ATL2: variants seen among roughly 807,000 people sequenced by gnomAD.
ATL2 encodes the protein atlastin GTPase 2, also known as atlastin-2.
Under a neutral mutation model 73.9 loss-of-function variants are expected in ATL2, and 31 were observed. That is an observed-to-expected ratio of 0.42 (90% CI 0.32 to 0.57). The LOEUF is 0.57. Among genes scored for constraint, ATL2 ranks in the 20% least tolerant of loss-of-function variants. The pLI is 0.14. For missense variants in ATL2, 738 were observed against 702.6 expected (o/e 1.05, Z -0.57); for synonymous variants, 291 against 237.5 (o/e 1.23, Z -2.07).
At chr2:38,356,425 G>A (rs1399038952) in intron 1 of ATL2, among the ~76,000 whole-genome samples, 1 of 151,206 alleles carries the variant, frequency 6.6e-6, no homozygotes, top group Non-Finnish European at 1.5e-5. Flanking sequence ...CTGGGCTCAA[G>A]TGATCCACCC....
intron 1 of ATL2, among the ~76,000 whole-genome samples, chr2:38,373,454 A>G (rs749637404): frequency 2.0e-5 from 3 of 152,232 alleles, no homozygotes; most frequent in Admixed American, 1.3e-4. Context: ...AATCCCCTAC[A>G]TTCTACTTGT....
At chr2:38,299,185 T>G in intron 11 of ATL2, 71 bp downstream of exon 11, 4 of 1,368,794 alleles carry the variant, frequency 2.9e-6, no homozygotes, top group East Asian at 3.0e-5. Context: ...TTAAAAAATT[T>G]TTTTAATTTT....
chr2:38,333,461 A>C (rs1000228296), intron 2 of ATL2, among the ~76,000 whole-genome samples: 1 of 152,340 alleles, frequency 6.6e-6, no homozygotes, highest in East Asian at 1.9e-4. Context: ...TTAACTCCCT[A>C]AATGTTCTAA....
At chr2:38,375,064 T>C (rs1011708967) in intron 1 of ATL2, among the ~76,000 whole-genome samples, 8 of 152,158 alleles carry the variant, frequency 5.3e-5, no homozygotes, top group African/African-American at 1.9e-4. Context: ...AAAAAGCCAA[T>C]AAAATGAGTA....
chr2:38,353,298 T>A (rs567555481), intron 1 of ATL2, among the ~76,000 whole-genome samples: 2 of 152,208 alleles, frequency 1.3e-5, no homozygotes, highest in South Asian at 2.1e-4. Flanking sequence ...AACTGACAAG[T>A]ACAGTAATTA....
chr2:38,348,622 T>C lies in ATL2; in HGVS notation c.119-5110A>G, dbSNP rs185917345. On this transcript the variant is annotated intron_variant, in intron 1 of 12. Coordinates refer to ENST00000378954, the MANE Select transcript of ATL2 (RefSeq NM_001135673.4). ...ATTGTAAAGAAAGCATTAGTTGGTT[T>C]TTTAGAAGTTTAAGAAAAAAAAAAA... 2.0e-5 allele frequency among the ~76,000 whole-genome samples: 3 copies of C among 151,794 alleles called. No individual in the cohort carries two copies. The East Asian group carries it at 5.8e-4, about 29-fold the overall frequency.
chr2:38,351,034 GAAT>G (rs1172013280), intron 1 of ATL2, among the ~76,000 whole-genome samples: 2 of 152,172 alleles, frequency 1.3e-5, no homozygotes, highest in Admixed American at 6.5e-5. Flanking sequence ...AGAGAACAAA[GAAT>G]AATTCACCTT....
chr2:38,310,157 A>G, intron 8 of ATL2, 152 bp downstream of exon 8: 1 of 846,250 alleles, frequency 1.2e-6, no homozygotes, highest in Non-Finnish European at 1.8e-6. Flanking sequence ...AATGCTAGAG[A>G]AACAACACAG....
intron 6 of ATL2, 151 bp from the exon 7 acceptor site, chr2:38,313,394 A>G (rs1170916744): frequency 6.8e-6 from 4 of 584,398 alleles, no homozygotes; most frequent in South Asian, 4.8e-5. Context: ...GGTCATGGTT[A>G]TATCAAGGAC....
At chr2:38,367,231 C>G (rs948231107) in intron 1 of ATL2, among the ~76,000 whole-genome samples, 3 of 152,000 alleles carry the variant, frequency 2.0e-5, no homozygotes, top group Non-Finnish European at 4.4e-5. Flanking sequence ...TGCTTTTCTT[C>G]TACCACGCTA....
chr2:38,337,467 C>A (rs1045048247), intron 2 of ATL2, among the ~76,000 whole-genome samples: 2 of 79,922 alleles, frequency 2.5e-5, no homozygotes, highest in East Asian at 3.9e-4. Flanking sequence ...ACCTTGGCGA[C>A]AGAACAAGAC....
intron 6 of ATL2, among the ~76,000 whole-genome samples, chr2:38,313,919 A>T (rs992630214): frequency 2.0e-5 from 3 of 152,226 alleles, no homozygotes; most frequent in African/African-American, 7.2e-5. Context: ...GATATAGGCC[A>T]AATAGGGTAT....
Position 38,373,094 on chromosome 2 carries a change from G to T in ATL2, c.118+4049C>A, listed in dbSNP as rs139783820. On this transcript the variant is annotated intron_variant, in intron 1 of 12. Transcript: ENST00000378954. ...TTGCACCCTATCATCTGTTTCCCAC[G>T]ACAGCCTTGTTACGGATTATCACTA... Among the ~76,000 whole-genome samples, 1,202 of 152,128 alleles carry T rather than the reference G, an allele frequency of 7.9e-3. 9 individuals carry two copies. Among genetic ancestry groups the T allele is most frequent in the African/African-American group, 0.015 (618 of 41,494 alleles).
rs1334051711 is a variant in ATL2, at chr2:38,349,232, G to A, written c.119-5720C>T. 6.6e-5 allele frequency among the ~76,000 whole-genome samples: 10 copies of A among 151,998 alleles called. No homozygotes were observed. In the East Asian group the frequency reaches 7.7e-4, roughly 12 times the overall value. On this transcript the variant is annotated intron_variant, in intron 1 of 12. Transcript: ENST00000378954. Reference sequence around the variant, plus strand: ...TAAAGACACATGCACACGTATGTTCGTTGTGGCACTATTCACAATAGCAAA... The same window carrying A: ...TAAAGACACATGCACACGTATGTTCATTGTGGCACTATTCACAATAGCAAA...
chr2:38,296,522 T>C (rs1448769811), intron 12 of ATL2: 1 of 1,613,912 alleles, frequency 6.2e-7, no homozygotes, highest in African/African-American at 1.3e-5. Flanking sequence ...ACAGTCTCTG[T>C]CGCTGTGCTG....
At chr2:38,325,000 G>T (rs773890963) in intron 2 of ATL2, among the ~76,000 whole-genome samples, 4 of 152,204 alleles carry the variant, frequency 2.6e-5, no homozygotes, top group Non-Finnish European at 5.9e-5. Flanking sequence ...TAGTGCCACT[G>T]AAGTGTACAC....
intron 1 of ATL2, among the ~76,000 whole-genome samples, chr2:38,351,431 C>G (rs1014053530): frequency 2.0e-5 from 3 of 151,860 alleles, no homozygotes; most frequent in Admixed American, 6.6e-5. Flanking sequence ...TAGCCATATA[C>G]TGACATATTA....
At chr2:38,340,477 C>T (rs1220983234) in intron 2 of ATL2, among the ~76,000 whole-genome samples, 1 of 152,142 alleles carries the variant, frequency 6.6e-6, no homozygotes, top group Non-Finnish European at 1.5e-5. Flanking sequence ...ACATCCCCCA[C>T]ACCATAACCA....
At chr2:38,334,898 A>AAATATAT (rs1558423002) in intron 2 of ATL2, among the ~76,000 whole-genome samples, 31 of 136,172 alleles carry the variant, frequency 2.3e-4, no homozygotes, top group Middle Eastern at 3.7e-3. Context: ...TATAATATAT[A>AAATATAT]TTATTTATAA....
Sources: allele counts gnomAD v4.1 joint callset (sites outside exome capture counted in the v4.1 genomes callset), GRCh38; gene constraint gnomAD v4.1.1; transcripts MANE v1.5; gene names NCBI Gene and HGNC (gene_info 2026-07-23, HGNC 2026-07-21).